The following CC2D2A variants were observed in gnomAD, a reference collection of about 807,000 sequenced individuals.
CC2D2A encodes coiled-coil and C2 domain containing 2A.
In CC2D2A, 155 loss-of-function variants were observed where a neutral mutation model predicts 212.9. That is an observed-to-expected ratio of 0.73 (90% CI 0.64 to 0.83). The LOEUF is 0.83. CC2D2A is among the 40% of genes least tolerant of loss of function. The probability of loss-of-function intolerance (pLI) is 0.00; values close to 1 mark genes in which losing one functional copy is unlikely to be tolerated. For synonymous variants in CC2D2A, 667 were observed against 686.5 expected (o/e 0.97, Z 0.44); for missense variants, 1,856 against 1,956.2 (o/e 0.95, Z 0.97).
In CC2D2A at chr4:15,598,188, A is replaced by C. The variant is rs553630926; in HGVS notation, c.4496+723A>C. ...ATAGCTTCAACATGCTATCGATTGGACCCAAGTCATTTATTTCTCCAATAT... is the reference window on the plus strand; with the variant it reads ...ATAGCTTCAACATGCTATCGATTGGCCCCAAGTCATTTATTTCTCCAATAT... On this transcript the variant is annotated intron_variant, in intron 35 of 36. Coordinates refer to ENST00000424120, the MANE Select transcript of CC2D2A (RefSeq NM_001378615.1). Among the ~76,000 whole-genome samples the C allele has an allele frequency of 6.4e-4, 97 of 152,274 alleles. 3 individuals carry two copies. In the South Asian group the frequency reaches 0.019, roughly 30 times the overall value.
chr4:15,566,970 A>G (rs1015945600), intron 24 of CC2D2A, among the ~76,000 whole-genome samples: 5 of 151,900 alleles, frequency 3.3e-5, no homozygotes, highest in Non-Finnish European at 7.4e-5. Flanking sequence ...GCAAGACTCT[A>G]TCTCAAAAAT....
At chr4:15,497,339 C>G (rs1407298388) in intron 4 of CC2D2A, among the ~76,000 whole-genome samples, 1 of 152,130 alleles carries the variant, frequency 6.6e-6, no homozygotes, top group Non-Finnish European at 1.5e-5. Flanking sequence ...ACCCCCTTAT[C>G]TCTATATTTT....
At chr4:15,479,259 CT>C in intron 3 of CC2D2A, 1 of 1,537,226 alleles carries the variant, frequency 6.5e-7, no homozygotes, top group Non-Finnish European at 8.7e-7. Flanking sequence ...CTGGCAGATC[CT>C]CCCCCACCTC....
intron 4 of CC2D2A, among the ~76,000 whole-genome samples, chr4:15,500,107 G>GTGTGTATA (rs1479141284): frequency 1.3e-4 from 15 of 112,946 alleles, no homozygotes; most frequent in East Asian, 9.6e-4. Flanking sequence ...GTGTGTGTGT[G>GTGTGTATA]TATATATATA....
intron 4 of CC2D2A, among the ~76,000 whole-genome samples, chr4:15,494,944 G>A (rs900335031): frequency 1.3e-4 from 20 of 152,080 alleles, no homozygotes; most frequent in Admixed American, 1.1e-3. Flanking sequence ...GGTTCAAGGG[G>A]TACATGTGCA....
At chr4:15,474,653 G>A (rs1714055670) in intron 1 of CC2D2A, among the ~76,000 whole-genome samples, 1 of 152,180 alleles carries the variant, frequency 6.6e-6, no homozygotes, top group Admixed American at 6.5e-5. Context: ...AATTTTCTGT[G>A]ATGTGATTAT....
At chr4:15,529,817 T>C (rs981974154) in intron 13 of CC2D2A, among the ~76,000 whole-genome samples, 7 of 136,932 alleles carry the variant, frequency 5.1e-5, no homozygotes, top group African/African-American at 1.8e-4. Context: ...AAATCGAGGC[T>C]TTTTTTTTTT....
intron 24 of CC2D2A, 157 bp downstream of exon 24, chr4:15,563,679 T>A: frequency 1.5e-6 from 1 of 677,890 alleles, no homozygotes; most frequent in Non-Finnish European, 2.5e-6. Flanking sequence ...TTGCAAGTAA[T>A]ACATTCCAAT....
At chr4:15,567,254 T>C in intron 24 of CC2D2A, 123 bp from the exon 25 acceptor site, 1 of 714,200 alleles carries the variant, frequency 1.4e-6, no homozygotes, top group Non-Finnish European at 2.4e-6. Flanking sequence ...GCCGAGATCA[T>C]GCCACTGCAC....
rs1190407145 is a variant in CC2D2A at position 15,599,744 on chromosome 4, C to G, written c.4674+38C>G. ...TGGATCCTAAACTGACTGTGGATTT[C>G]CTTGTTTCAAATTGGAAATTAGCCA... is the stretch of plus-strand genomic sequence containing the variant. On this transcript the variant is annotated intron_variant, in intron 36 of 36. Coordinates refer to ENST00000424120, the MANE Select transcript of CC2D2A (RefSeq NM_001378615.1). 4 of 1,479,080 alleles carry G rather than the reference C, an allele frequency of 2.7e-6. No homozygotes were observed. The South Asian group carries it at 5.6e-5, about 21-fold the overall frequency. The allele number at this position is 1,479,080 out of a possible 1,614,324, so 91.6% of individuals were successfully genotyped here.
chr4:15,551,047 T>G, intron 18 of CC2D2A, 67 bp downstream of exon 18: 2 of 1,222,128 alleles, frequency 1.6e-6, no homozygotes, highest in South Asian at 1.9e-5. Context: ...TATATATCTA[T>G]TTCACTTCCC....
chr4:15,574,524 T>C (rs2109078245), intron 29 of CC2D2A, among the ~76,000 whole-genome samples, 198 bp downstream of exon 29: 1 of 152,320 alleles, frequency 6.6e-6, no homozygotes, highest in African/African-American at 2.4e-5. Context: ...GAACCAGTAA[T>C]CGGGTCAATC....
At chr4:15,516,526 T>C in intron 10 of CC2D2A, 99 bp from the exon 11 acceptor site, 2 of 1,194,228 alleles carry the variant, frequency 1.7e-6, no homozygotes, top group Non-Finnish European at 2.3e-6. Context: ...ATGAAATATA[T>C]ATGTTGACAC....
chr4:15,581,622 G>T (rs1720667955), intron 30 of CC2D2A, among the ~76,000 whole-genome samples: 1 of 152,168 alleles, frequency 6.6e-6, no homozygotes, highest in African/African-American at 2.4e-5. Flanking sequence ...ACTAGGAAAT[G>T]CCCTGTCTAA....
chr4:15,537,519 C>T (rs977817831), intron 15 of CC2D2A, among the ~76,000 whole-genome samples: 2 of 152,160 alleles, frequency 1.3e-5, no homozygotes, highest in Admixed American at 1.3e-4. Context: ...ATCAGGTGGG[C>T]CTGCAATGCT....
rs956757805 is a variant in CC2D2A at position 15,527,443 on chromosome 4, G to A, written c.1150-4G>A. Reference sequence around the variant, plus strand: ...TTCTGTCTACACTCTGCTTTCCTTGGCAGGCTGTAAAATACGTTCACAGTA... The same window carrying A: ...TTCTGTCTACACTCTGCTTTCCTTGACAGGCTGTAAAATACGTTCACAGTA... On this transcript the variant is annotated splice_region_variant and splice_polypyrimidine_tract_variant and intron_variant, in intron 11 of 36. Transcript: ENST00000424120. 6.2e-6 allele frequency: 10 copies of A among 1,609,434 alleles called. No individual in the cohort carries two copies. The highest frequency in any genetic ancestry group is 8.5e-6 in the Non-Finnish European group (10 of 1,177,386).
chr4:15,521,303 T>C (rs1447827257), intron 11 of CC2D2A, among the ~76,000 whole-genome samples: 1 of 152,224 alleles, frequency 6.6e-6, no homozygotes, highest in Non-Finnish European at 1.5e-5. Context: ...TATACCTCAG[T>C]CTTTTTTAAA....
rs371944691 is a variant in CC2D2A, at chr4:15,599,576, A to G, written c.4544A>G (p.His1515Arg). ...KEKIMDWRPRHLTRWNRYCTS... is the reference protein window; with the variant it reads ...KEKIMDWRPRRLTRWNRYCTS... Reference sequence around the variant, plus strand: ...AAAATCATGGACTGGAGGCCACGCCATCTGACTCGGTGGAATAGGTATTGT... The same window carrying G: ...AAAATCATGGACTGGAGGCCACGCCGTCTGACTCGGTGGAATAGGTATTGT... The change falls in exon 36 of 37, where the codon CAT (histidine) becomes CGT (arginine). Residue 1515 changes from histidine (H) to arginine (R), a missense_variant. Transcript: ENST00000424120. The G allele has an allele frequency of 1.3e-5, 21 of 1,604,304 alleles. No homozygotes were observed. The highest frequency in any genetic ancestry group is 1.8e-5 in the Non-Finnish European group (21 of 1,173,046).
chr4:15,520,488 C>G (rs1424775172), intron 11 of CC2D2A, among the ~76,000 whole-genome samples: 2 of 152,166 alleles, frequency 1.3e-5, no homozygotes, highest in African/African-American at 2.4e-5. Context: ...ATATGATGAA[C>G]ACTGAATTGT....
Sources: gnomAD v4.1 joint callset for allele counts (sites outside exome capture counted in the v4.1 genomes callset) on GRCh38, gnomAD v4.1.1 for gene constraint, MANE v1.5 for transcripts, NCBI Gene and HGNC (gene_info 2026-07-23, HGNC 2026-07-21) for gene names.